The following CD80 variants were observed in gnomAD, a reference collection of about 807,000 sequenced individuals.
CD80 encodes T-lymphocyte activation antigen CD80.
Under a neutral mutation model 27.1 loss-of-function variants are expected in CD80, and 13 were observed. The ratio of observed to expected loss-of-function variants is 0.48; its 90% confidence interval spans 0.31 to 0.76. CD80 has a LOEUF of 0.76. Among genes scored for constraint, CD80 ranks in the 30% least tolerant of loss-of-function variants. The pLI is 0.04. For missense variants in CD80, 277 were observed against 347.9 expected (o/e 0.80, Z 1.62); for synonymous variants, 125 against 125.5 (o/e 1.00, Z 0.03).
chr3:119,552,664 C>T (rs2082239972), intron 2 of CD80, among the ~76,000 whole-genome samples: 1 of 151,964 alleles, frequency 6.6e-6, no homozygotes, highest in African/African-American at 2.4e-5. Flanking sequence ...AGCAAAAACC[C>T]CATCGCTACA....
At chr3:119,535,084 C>A (rs2082129623) in intron 4 of CD80, among the ~76,000 whole-genome samples, 1 of 151,334 alleles carries the variant, frequency 6.6e-6, no homozygotes, top group African/African-American at 2.4e-5. Context: ...CCCAGCTACA[C>A]AGGAGGCTGA....
intron 2 of CD80, among the ~76,000 whole-genome samples, chr3:119,549,522 C>T (rs562691642): frequency 6.6e-6 from 1 of 152,298 alleles, no homozygotes; most frequent in Non-Finnish European, 1.5e-5. Context: ...CCACACAGAT[C>T]CCCTTAGGGA....
chr3:119,544,882 A>G lies in CD80; in HGVS notation c.101-15T>C. ...GTGGATAACACCTATGGAGAGGCAAACAGAACAAGATTGTATATTTATTAA... is the reference window on the plus strand; with the variant it reads ...GTGGATAACACCTATGGAGAGGCAAGCAGAACAAGATTGTATATTTATTAA... On this transcript the variant is annotated splice_polypyrimidine_tract_variant and intron_variant, in intron 2 of 6. Coordinates refer to ENST00000264246, the MANE Select transcript of CD80 (RefSeq NM_005191.4). 3 of 1,604,226 alleles carry G rather than the reference A, an allele frequency of 1.9e-6. No homozygotes were observed. The highest frequency in any genetic ancestry group is 2.6e-6 in the Non-Finnish European group (3 of 1,172,266).
At chr3:119,531,811 G>A (rs911789107) in intron 4 of CD80, among the ~76,000 whole-genome samples, 5 of 151,984 alleles carry the variant, frequency 3.3e-5, no homozygotes, top group Admixed American at 1.3e-4. Context: ...TTACAGGGGC[G>A]TGCCACCACA....
chr3:119,526,908 A>G (rs573265538), intron 6 of CD80, among the ~76,000 whole-genome samples: 7 of 152,172 alleles, frequency 4.6e-5, no homozygotes, highest in Non-Finnish European at 1.0e-4. Context: ...CTGGGACCTG[A>G]TATCAGTCTC....
intron 3 of CD80, among the ~76,000 whole-genome samples, chr3:119,538,644 T>C (rs1340683837): frequency 6.6e-6 from 1 of 152,236 alleles, no homozygotes; most frequent in Non-Finnish European, 1.5e-5. Context: ...ACATTGACTC[T>C]TAAGTCTGTT....
chr3:119,542,919 A>G (rs769058994), intron 3 of CD80, among the ~76,000 whole-genome samples: 2 of 152,128 alleles, frequency 1.3e-5, no homozygotes, highest in Non-Finnish European at 2.9e-5. Flanking sequence ...TGCTTGAGCT[A>G]TTTTGCAGCC....
rs372271427 is a variant in CD80 at position 119,544,596 on chromosome 3, G to A, written c.372C>T (p.Asp124=). The change falls in exon 3 of 7, where the codon GAC becomes GAT. Residue 124 remains aspartate, a synonymous_variant. Transcript: ENST00000264246. ...YECVVLKYEK[D]AFKREHLAEV... ...CAGCCAGGTGTTCCCGCTTGAAAGC[G>A]TCTTTTTCATACTTCAGAACAACAC... is the stretch of plus-strand genomic sequence containing the variant. 4.3e-5 allele frequency: 70 copies of A among 1,614,038 alleles called. No homozygotes were observed. The highest frequency in any genetic ancestry group is 5.3e-5 in the Non-Finnish European group (62 of 1,180,000).
intron 4 of CD80, 30 bp from the exon 5 acceptor site, chr3:119,529,967 T>C: frequency 7.0e-7 from 1 of 1,436,848 alleles, no homozygotes; most frequent in Non-Finnish European, 9.8e-7. Flanking sequence ...ATGTCAGCTG[T>C]AATGTATTTC....
At position 119,525,315 on chromosome 3, in the gene CD80, CAGAT is replaced by C. The variant is rs1301726825; in HGVS notation, c.*469_*472del. On this transcript the variant is annotated 3_prime_UTR_variant, in exon 7 of 7. Coordinates refer to ENST00000264246, the MANE Select transcript of CD80 (RefSeq NM_005191.4). ...ATCTTCTACTCTGACATTAGGAAATCAGATAGTCTCTGAAGTTGACCTGTTATTG... is the reference window on the plus strand; with the variant it reads ...ATCTTCTACTCTGACATTAGGAAATCAGTCTCTGAAGTTGACCTGTTATTG... 4.6e-5 allele frequency: 7 copies of C among 152,174 alleles called. No homozygotes were observed. The highest frequency in any genetic ancestry group is 1.7e-4 in the African/African-American group (7 of 41,414). 9.4% of individuals were successfully genotyped at this position (152,174 alleles called of 1,614,324 possible).
intron 2 of CD80, among the ~76,000 whole-genome samples, chr3:119,554,608 C>T (rs2082252697): frequency 6.6e-6 from 1 of 152,200 alleles, no homozygotes; most frequent in African/African-American, 2.4e-5. Context: ...CCCTGGGCAT[C>T]AGTGGCTGGG....
chr3:119,543,697 C>T (rs1187889539), intron 3 of CD80, among the ~76,000 whole-genome samples: 1 of 152,084 alleles, frequency 6.6e-6, no homozygotes, highest in Non-Finnish European at 1.5e-5. Flanking sequence ...ACCTTGGCCT[C>T]CCAAAGTGCT....
intron 4 of CD80, among the ~76,000 whole-genome samples, chr3:119,535,265 C>T (rs1238994902): frequency 6.6e-6 from 1 of 151,834 alleles, no homozygotes; most frequent in Non-Finnish European, 1.5e-5. Flanking sequence ...AATTACTAGA[C>T]CATCTAAAAT....
intron 4 of CD80, among the ~76,000 whole-genome samples, chr3:119,533,078 G>T (rs2082118504): frequency 6.6e-6 from 1 of 152,152 alleles, no homozygotes; most frequent in South Asian, 2.1e-4. Flanking sequence ...AGTTTCACAG[G>T]CTTCAGCTCA....
At chr3:119,530,595 C>G (rs1183238725) in intron 4 of CD80, among the ~76,000 whole-genome samples, 1 of 152,078 alleles carries the variant, frequency 6.6e-6, no homozygotes, top group African/African-American at 2.4e-5. Context: ...ACAAGAAGTA[C>G]ACAAGGAAAT....
chr3:119,533,560 T>C (rs1163485152), intron 4 of CD80, among the ~76,000 whole-genome samples: 2 of 152,132 alleles, frequency 1.3e-5, no homozygotes, highest in East Asian at 3.9e-4. Flanking sequence ...GAGTCTTTCC[T>C]GCACTGTCCT....
intron 4 of CD80, among the ~76,000 whole-genome samples, chr3:119,532,949 T>C (rs1042482133): frequency 6.6e-6 from 1 of 152,210 alleles, no homozygotes; most frequent in African/African-American, 2.4e-5. Context: ...AGTTGGTTTT[T>C]CTTTTTTCTC....
intron 2 of CD80, among the ~76,000 whole-genome samples, chr3:119,546,815 A>AACAC (rs10661634): frequency 0.16 from 23,152 of 149,252 alleles, 2,053 homozygotes; most frequent in Admixed American, 0.21. Context: ...GTGATGCAAC[A>AACAC]ACACACACAC....
rs1189808367 is a variant in CD80, at chr3:119,525,615, A to G, written c.*173T>C. The G allele has an allele frequency of 6.6e-6, 1 of 152,460 alleles. No homozygotes were observed. Among genetic ancestry groups the G allele is most frequent in the African/African-American group, 2.4e-5 (1 of 41,416 alleles). The allele number at this position is 152,460 out of a possible 1,614,324, so 9.4% of individuals were successfully genotyped here. Reference sequence around the variant, plus strand: ...CCAGAGCTACTTCTGTGCCCACCATATTCCTCTAGACACTTCCTGCAAAGC... The same window carrying G: ...CCAGAGCTACTTCTGTGCCCACCATGTTCCTCTAGACACTTCCTGCAAAGC... On this transcript the variant is annotated 3_prime_UTR_variant, in exon 7 of 7. Transcript: ENST00000264246.
Sources: gnomAD v4.1 joint callset for allele counts (sites outside exome capture counted in the v4.1 genomes callset) on GRCh38, gnomAD v4.1.1 for gene constraint, MANE v1.5 for transcripts, NCBI Gene and HGNC (gene_info 2026-07-23, HGNC 2026-07-21) for gene names.